The following AMER3 variants were observed in gnomAD, a reference collection of about 807,000 sequenced individuals.
The protein encoded by AMER3 is family with sequence similarity 123C.
For synonymous variants in AMER3, 541 were observed against 485.5 expected (o/e 1.11, Z -1.50); for missense variants, 1,201 against 1,139.4 (o/e 1.05, Z -0.78).
At position 130,763,052 on chromosome 2, in the gene AMER3, C is replaced by A. The variant is rs983772806; in HGVS notation, c.980C>A (p.Pro327Gln). Residue 327 changes from proline to glutamine, a missense_variant, in exon 2 of 2, where the codon CCG becomes CAG. Physicochemically the swap from Pro to Gln is moderately conservative, Grantham distance 76 (BLOSUM62 -1). Transcript: ENST00000321420. The stretch of plus-strand genomic sequence containing the variant: ...CAGCAGCAGCGTGCCCTCCTAGGCC[C>A]GTGGCTTTCAGGCCCCCAGGGGACA... ...VRQQQRALLG[P>Q]WLSGPQGTDR... The A allele has an allele frequency of 1.9e-6, 3 of 1,612,826 alleles. No individual in the cohort carries two copies. The highest frequency in any genetic ancestry group is 1.7e-5 in the Admixed American group (1 of 59,962).
At chr2:130,759,569 AATT>A (rs755458079) in intron 1 of AMER3, among the ~76,000 whole-genome samples, 9 of 152,224 alleles carry the variant, frequency 5.9e-5, no homozygotes, top group Admixed American at 1.3e-4. Flanking sequence ...CTGCCATAGG[AATT>A]ATTATTACCT....
rs772824695 is a variant in AMER3, at chr2:130,762,887, C to T, written c.815C>T (p.Pro272Leu). 13 of 1,613,138 alleles carry T rather than the reference C, an allele frequency of 8.1e-6. No homozygotes were observed. In the South Asian group the frequency reaches 1.4e-4, roughly 18 times the overall value. The change falls in exon 2 of 2, where the codon CCA becomes CTA. Residue 272 changes from proline to leucine, a missense_variant. Coordinates refer to ENST00000321420, the MANE Select transcript of AMER3 (RefSeq NM_152698.3). ...SLELNEGPESPTQAAQGLESK... is the reference protein window; with the variant it reads ...SLELNEGPESLTQAAQGLESK... ...GAGCTGAACGAGGGCCCGGAGAGCCCAACCCAGGCTGCTCAGGGCCTGGAG... is the reference window on the plus strand; with the variant it reads ...GAGCTGAACGAGGGCCCGGAGAGCCTAACCCAGGCTGCTCAGGGCCTGGAG...
At position 130,764,221 on chromosome 2, in the gene AMER3, C is replaced by A; in HGVS notation, c.2149C>A (p.Leu717Met). 6.2e-7 allele frequency: 1 copy of A among 1,609,444 alleles called. No homozygotes were observed. The highest frequency in any genetic ancestry group is 1.1e-5 in the South Asian group (1 of 90,476). Reference protein sequence around the residue: ...GQRWARGPDMLEQKQSSSSPS... With the variant: ...GQRWARGPDMMEQKQSSSSPS... ...GCGCTGGGCCAGGGGCCCTGACATG[C>A]TGGAGCAGAAACAGTCCAGCAGCTC... The change falls in exon 2 of 2, where the codon CTG (leucine) becomes ATG (methionine). Residue 717 changes from leucine to methionine, a missense_variant. By Grantham distance (15) the Leu-to-Met change is conservative (BLOSUM62 2). Coordinates refer to ENST00000321420, the MANE Select transcript of AMER3 (RefSeq NM_152698.3).
At position 130,763,758 on chromosome 2, in the gene AMER3, A is replaced by G. The variant is rs775757583; in HGVS notation, c.1686A>G (p.Ala562=). 2.7e-5 allele frequency: 43 copies of G among 1,597,478 alleles called. No individual in the cohort carries two copies. The highest frequency in any genetic ancestry group is 3.4e-5 in the Non-Finnish European group (40 of 1,172,030). Residue 562 remains alanine (A), a synonymous_variant, in exon 2 of 2, where the codon GCA becomes GCG. Transcript: ENST00000321420. ...SDAGGATVCS[A]PSRQELWAHP... is the part of the protein sequence containing the mutation. ...CAGGGGGGGCGACAGTTTGCTCAGC[A>G]CCCAGCAGGCAGGAGCTGTGGGCAC... is the stretch of plus-strand genomic sequence containing the variant.
chr2:130,761,927 G>T, intron 1 of AMER3, 127 bp from the exon 2 acceptor site: 1 of 935,778 alleles, frequency 1.1e-6, no homozygotes, highest in Non-Finnish European at 1.6e-6. Flanking sequence ...TCCCCCACCT[G>T]CAAGGAGGAT....
rs1558970554 is a variant in AMER3 at position 130,765,408 on chromosome 2, A to G, written c.*750A>G. 6.0e-6 allele frequency: 1 copy of G among 167,064 alleles called. No individual in the cohort carries two copies. The highest frequency in any genetic ancestry group is 1.5e-5 in the Non-Finnish European group (1 of 68,128). The allele number at this position is 167,064 out of a possible 1,614,324, so 10.3% of individuals were successfully genotyped here. ...TGCACCTCGCTTTATACTTGCAGTC[A>G]TATCATGACCAACAACCTAAGTCTT... On this transcript the variant is annotated 3_prime_UTR_variant, in exon 2 of 2. Coordinates refer to ENST00000321420, the MANE Select transcript of AMER3 (RefSeq NM_152698.3).
rs767930382 is a variant in AMER3, at chr2:130,763,326, TGGG to T, written c.1256_1258del (p.Gly419del). On this transcript the variant is annotated inframe_deletion, in exon 2 of 2. Coordinates refer to ENST00000321420, the MANE Select transcript of AMER3 (RefSeq NM_152698.3). Reference sequence around the variant, plus strand: ...CCACCTTCCCACGGGACAGCTACAGTGGGGACGCCCTCTACGAGCTCTTCCACG... The same window carrying T: ...CCACCTTCCCACGGGACAGCTACAGTGACGCCCTCTACGAGCTCTTCCACG... The T allele has an allele frequency of 6.2e-7, 1 of 1,613,512 alleles. No homozygotes were observed. The highest frequency in any genetic ancestry group is 8.5e-7 in the Non-Finnish European group (1 of 1,180,024).
chr2:130,759,460 T>A (rs570898175), intron 1 of AMER3, among the ~76,000 whole-genome samples: 5 of 152,334 alleles, frequency 3.3e-5, no homozygotes, highest in African/African-American at 1.2e-4. Flanking sequence ...TGTGCCTGGC[T>A]GAAGTTATAT....
rs190910148 is a variant in AMER3, at chr2:130,763,961, A to C, written c.1889A>C (p.Asn630Thr). Residue 630 changes from asparagine (N) to threonine (T), a missense_variant, in exon 2 of 2, where the codon AAT (asparagine) becomes ACT (threonine). By Grantham distance (65) the Asn-to-Thr change is moderately conservative. Transcript: ENST00000321420. ...TCGACAACAGATACTTCCGGTAAAA[A>C]TAAGGCCCCAGTTCCTTCTACCTGG... is the stretch of plus-strand genomic sequence containing the variant. ...ATSTTDTSGKNKAPVPSTWPC... is the reference protein window; with the variant it reads ...ATSTTDTSGKTKAPVPSTWPC... The C allele has an allele frequency of 5.6e-6, 9 of 1,613,792 alleles. No individual in the cohort carries two copies. In the East Asian group the frequency reaches 2.0e-4, roughly 36 times the overall value.
chr2:130,760,257 C>T (rs1678737942), intron 1 of AMER3, among the ~76,000 whole-genome samples: 1 of 152,218 alleles, frequency 6.6e-6, no homozygotes, highest in Non-Finnish European at 1.5e-5. Flanking sequence ...TCCGAGGAAG[C>T]ACTTCCCTTG....
At position 130,764,480 on chromosome 2, in the gene AMER3, G is replaced by C. The variant is rs1380506426; in HGVS notation, c.2408G>C (p.Trp803Ser). ...SEPRSAPAAR[W>S]SSQGHHPESL... ...CCCCGCTCAGCCCCTGCTGCCCGGT[G>C]GAGTTCCCAGGGCCACCATCCAGAA... Residue 803 changes from tryptophan (W) to serine (S), a missense_variant, in exon 2 of 2, where the codon TGG (tryptophan) becomes TCG (serine). Transcript: ENST00000321420. The C allele has an allele frequency of 6.3e-7, 1 of 1,598,580 alleles. No individual in the cohort carries two copies.
Position 130,764,342 on chromosome 2 carries a change from T to C in AMER3, c.2270T>C (p.Val757Ala). The C allele has an allele frequency of 6.2e-7, 1 of 1,610,210 alleles. No individual in the cohort carries two copies. Among genetic ancestry groups the C allele is most frequent in the Non-Finnish European group, 8.5e-7 (1 of 1,177,556 alleles). Residue 757 changes from valine to alanine, a missense_variant, in exon 2 of 2, where the codon GTG (valine) becomes GCG (alanine). Coordinates refer to ENST00000321420, the MANE Select transcript of AMER3 (RefSeq NM_152698.3). ...GTCCAGGACCTGAGCTGGCTCAGGG[T>C]GGAGCCCACCGGGCTAGGTGTCCAG... The part of the protein sequence containing the change: ...DRVQDLSWLR[V>A]EPTGLGVQAW...
At position 130,764,178 on chromosome 2, in the gene AMER3, C is replaced by T. The variant is rs770571981; in HGVS notation, c.2106C>T (p.Gly702=). The T allele has an allele frequency of 2.5e-6, 4 of 1,607,804 alleles. No homozygotes were observed. Among genetic ancestry groups the T allele is most frequent in the Non-Finnish European group, 1.7e-6 (2 of 1,176,680 alleles). ...PAAWPPRQDM[G]SGLFGQRWAR... is the part of the protein sequence containing the mutation. ...CATGGCCTCCAAGGCAAGACATGGG[C>T]AGTGGGCTCTTTGGGCAGCGCTGGG... The change falls in exon 2 of 2, where the codon GGC becomes GGT. Residue 702 remains glycine, a synonymous_variant. Coordinates refer to ENST00000321420, the MANE Select transcript of AMER3 (RefSeq NM_152698.3).
chr2:130,756,340 G>C (rs1678608596), intron 1 of AMER3: 1 of 151,204 alleles, frequency 6.6e-6, no homozygotes, highest in South Asian at 2.1e-4. Context: ...CGGTGCCCGA[G>C]CCTGTCGCGG....
In AMER3 at chr2:130,762,143, C is replaced by A. The variant is rs775800844; in HGVS notation, c.71C>A (p.Pro24Gln). Reference sequence around the variant, plus strand: ...GTTTCCCACGAGAAACCCCCAGACCCAGCAGCCGTGGCTGCAGCCAGGGAG... The same window carrying A: ...GTTTCCCACGAGAAACCCCCAGACCAAGCAGCCGTGGCTGCAGCCAGGGAG... ...LQVSHEKPPDPAAVAAAREGT... is the reference protein window; with the variant it reads ...LQVSHEKPPDQAAVAAAREGT... Residue 24 changes from proline to glutamine, a missense_variant, in exon 2 of 2, where the codon CCA (proline) becomes CAA (glutamine). Transcript: ENST00000321420. 3.4e-5 allele frequency: 54 copies of A among 1,609,566 alleles called. No individual in the cohort carries two copies. Among genetic ancestry groups the A allele is most frequent in the Non-Finnish European group, 4.4e-5 (52 of 1,178,448 alleles).
Position 130,764,809 on chromosome 2 carries a change from C to T in AMER3, c.*151C>T. 1 of 1,014,008 alleles carries T rather than the reference C, an allele frequency of 9.9e-7. No homozygotes were observed. Among genetic ancestry groups the T allele is most frequent in the East Asian group, 2.6e-5 (1 of 37,906 alleles). 62.8% of individuals were successfully genotyped at this position (1,014,008 alleles called of 1,614,324 possible). ...TCAGGCATGCAGAGGGTAGCATGTT[C>T]ATGTGGAGGCATCCTTGCCTGAACC... is the stretch of plus-strand genomic sequence containing the variant. On this transcript the variant is annotated 3_prime_UTR_variant, in exon 2 of 2. Transcript: ENST00000321420.
chr2:130,757,648 G>A (rs906303387), intron 1 of AMER3, among the ~76,000 whole-genome samples: 2 of 152,144 alleles, frequency 1.3e-5, no homozygotes, highest in Non-Finnish European at 2.9e-5. Flanking sequence ...CTCTCTGCCT[G>A]GAATATGTGT....
rs1678970848 is a variant in AMER3, at chr2:130,765,956, A to AAAC, written c.*1298_*1299insAAC. 6.0e-6 allele frequency: 1 copy of AAAC among 167,046 alleles called. No homozygotes were observed. Among genetic ancestry groups the AAAC allele is most frequent in the Non-Finnish European group, 1.5e-5 (1 of 68,164 alleles). The allele number at this position is 167,046 out of a possible 1,614,324, so 10.3% of individuals were successfully genotyped here. A position where few individuals can be genotyped will look rare whatever the true frequency, so the allele number is the denominator to read the frequency against. ...CCAGTCGAGTTCACACCCAAAATGA[A>AAAC]GTCCACAGGTCCACCCCTTGTCAAC... is the stretch of plus-strand genomic sequence containing the variant. On this transcript the variant is annotated 3_prime_UTR_variant, in exon 2 of 2. Transcript: ENST00000321420.
intron 1 of AMER3, among the ~76,000 whole-genome samples, chr2:130,761,300 A>C (rs1336913272): frequency 6.6e-6 from 1 of 151,932 alleles, no homozygotes; most frequent in Non-Finnish European, 1.5e-5. Flanking sequence ...TTCCCATTGA[A>C]CTCAGACCAG....
Sources: allele counts gnomAD v4.1 joint callset (sites outside exome capture counted in the v4.1 genomes callset), GRCh38; gene constraint gnomAD v4.1.1; transcripts MANE v1.5; gene names NCBI Gene and HGNC (gene_info 2026-07-23, HGNC 2026-07-21).